TCF4: variants seen among roughly 807,000 people sequenced by gnomAD.
TCF4 encodes the protein SL3-3 enhancer factor 2.
A neutral mutation model predicts 82.1 loss-of-function variants in TCF4; 3 were observed. The ratio of observed to expected loss-of-function variants is 0.04; its 90% CI spans 0.02 to 0.09. The LOEUF is 0.09. Among genes scored for constraint, TCF4 ranks in the 10% least tolerant of loss-of-function variants. The probability of loss-of-function intolerance (pLI) is 1.00; values close to 1 mark genes in which losing one functional copy is unlikely to be tolerated. For missense variants in TCF4, 518 were observed against 852.7 expected (o/e 0.61, Z 4.89); for synonymous variants, 276 against 309.6 (o/e 0.89, Z 1.14).
intron 3 of TCF4, among the ~76,000 whole-genome samples, chr18:55,516,479 A>C (rs911560014): frequency 5.3e-5 from 8 of 152,074 alleles, no homozygotes; most frequent in African/African-American, 1.9e-4. Flanking sequence ...AGAGAAAGGC[A>C]GTCTGATTAT....
intron 14 of TCF4, among the ~76,000 whole-genome samples, chr18:55,256,403 A>G (rs1600369799): frequency 6.6e-6 from 1 of 152,254 alleles, no homozygotes; most frequent in South Asian, 2.1e-4. Context: ...GGTAGTGCAT[A>G]TATGTTTCAC....
chr18:55,321,523 G>C (rs1482366223), intron 8 of TCF4: 1 of 1,199,498 alleles, frequency 8.3e-7, no homozygotes, highest in Non-Finnish European at 1.2e-6. Context: ...GAAGATCTTA[G>C]GATTGGCAAA....
chr18:55,475,674 C>T (rs1473835939), intron 3 of TCF4, among the ~76,000 whole-genome samples: 2 of 152,210 alleles, frequency 1.3e-5, no homozygotes, highest in African/African-American at 2.4e-5. Context: ...CTTCCTATTT[C>T]CTTACATATC....
intron 15 of TCF4, among the ~76,000 whole-genome samples, chr18:55,247,848 T>C (rs1048512216): frequency 2.0e-5 from 3 of 152,166 alleles, no homozygotes; most frequent in Admixed American, 6.5e-5. Context: ...TGTGGGCAAT[T>C]CTATTGGGCA....
chr18:55,318,108 T>C (rs983845800), intron 8 of TCF4, among the ~76,000 whole-genome samples: 1 of 152,146 alleles, frequency 6.6e-6, no homozygotes, highest in African/African-American at 2.4e-5. Context: ...TGATCTTCAA[T>C]TACCATTACG....
intron 8 of TCF4, among the ~76,000 whole-genome samples, chr18:55,297,678 A>T (rs2066945768): frequency 6.6e-6 from 1 of 152,084 alleles, no homozygotes; most frequent in South Asian, 2.1e-4. Context: ...GTGTGGTCTG[A>T]TGGTTGTTTG....
chr18:55,441,650 A>T (rs1355936221), intron 5 of TCF4, among the ~76,000 whole-genome samples: 1 of 152,240 alleles, frequency 6.6e-6, no homozygotes, highest in East Asian at 1.9e-4. Flanking sequence ...TATTTTCATT[A>T]TAATGAATAA....
chr18:55,494,186 T>TCACACACACACACAC (rs2096606381), intron 3 of TCF4, among the ~76,000 whole-genome samples: 1 of 89,974 alleles, frequency 1.1e-5, no homozygotes, highest in Non-Finnish European at 2.8e-5. Flanking sequence ...ACACACAGAT[T>TCACACACACACACAC]AGTCAGGCAT....
At chr18:55,616,957 A>G (rs766801353) in intron 2 of TCF4, among the ~76,000 whole-genome samples, 1 of 151,856 alleles carries the variant, frequency 6.6e-6, no homozygotes, top group Non-Finnish European at 1.5e-5. Flanking sequence ...CTACTTGTCC[A>G]TTTTTGCTTT....
At chr18:55,232,782 T>G in intron 16 of TCF4, 111 bp from the exon 17 acceptor site, 2 of 1,395,054 alleles carry the variant, frequency 1.4e-6, no homozygotes, top group Non-Finnish European at 2.0e-6. Context: ...GATCCTTCTG[T>G]CACTTTTTTT....
chr18:55,588,282 G>C (rs2097672365), upstream of TCF4: 1 of 1,439,912 alleles, frequency 6.9e-7, no homozygotes, highest in South Asian at 1.5e-5. Context: ...GGGGAAACAC[G>C]CCGAGGCGCA....
rs1330350766 is a variant in TCF4, at chr18:55,577,110, G to A, written c.145+8170C>T. Reference sequence around the variant, plus strand: ...TATATACATTTATATATTTATATATGTATATATACATTTATATATTTATAT... The same window carrying A: ...TATATACATTTATATATTTATATATATATATATACATTTATATATTTATAT... On this transcript the variant is annotated intron_variant, in intron 3 of 19. Transcript: ENST00000354452. Among the ~76,000 whole-genome samples the A allele has an allele frequency of 6.8e-5, 9 of 132,778 alleles. 1 individual carries two copies. The highest frequency in any genetic ancestry group is 1.6e-4 in the African/African-American group (6 of 37,718). 87.1% of individuals were successfully genotyped at this position (132,778 alleles called of 152,430 possible). A position where few individuals can be genotyped will look rare whatever the true frequency, so the allele number is the denominator to read the frequency against.
At chr18:55,234,738 A>G in intron 15 of TCF4, 55 bp from the exon 16 acceptor site, 1 of 1,612,712 alleles carries the variant, frequency 6.2e-7, no homozygotes, top group South Asian at 1.1e-5. Flanking sequence ...TGCGACAGCT[A>G]TTTCCAGAGG....
At chr18:55,503,125 G>A (rs2096718106) in intron 3 of TCF4, among the ~76,000 whole-genome samples, 1 of 152,086 alleles carries the variant, frequency 6.6e-6, no homozygotes, top group Non-Finnish European at 1.5e-5. Flanking sequence ...CTCATGCAAG[G>A]TTATTTTAAC....
intron 6 of TCF4, among the ~76,000 whole-genome samples, chr18:55,365,171 A>ATGTGTG (rs2145345798): frequency 7.9e-6 from 1 of 126,234 alleles, no homozygotes; most frequent in South Asian, 2.5e-4. Flanking sequence ...ATATATATAT[A>ATGTGTG]TATATATATA....
intron 5 of TCF4, among the ~76,000 whole-genome samples, chr18:55,408,180 G>C (rs1342720893): frequency 6.6e-6 from 1 of 152,130 alleles, no homozygotes; most frequent in African/African-American, 2.4e-5. Context: ...TAAATGGTAG[G>C]TGTTTCACCC....
intron 3 of TCF4, among the ~76,000 whole-genome samples, chr18:55,530,142 C>T (rs1405144378): frequency 2.0e-5 from 3 of 152,144 alleles, no homozygotes; most frequent in African/African-American, 7.2e-5. Context: ...AACTTTGCAT[C>T]CACTTTCATA....
chr18:55,247,326 G>A (rs1020461369), intron 15 of TCF4, among the ~76,000 whole-genome samples: 1 of 152,186 alleles, frequency 6.6e-6, no homozygotes, highest in Non-Finnish European at 1.5e-5. Flanking sequence ...CTGAATGAGG[G>A]CTTCAGGGAA....
At chr18:55,550,795 C>T (rs754828522) in intron 3 of TCF4, 1 of 152,066 alleles carries the variant, frequency 6.6e-6, no homozygotes, top group Non-Finnish European at 1.5e-5. Context: ...TACGCCCAAC[C>T]TTCTAAAATA....
Sources: gnomAD v4.1 joint callset for allele counts (sites outside exome capture counted in the v4.1 genomes callset) on GRCh38, gnomAD v4.1.1 for gene constraint, MANE v1.5 for transcripts, NCBI Gene and HGNC (gene_info 2026-07-23, HGNC 2026-07-21) for gene names.